The following ADAMTS18 variants were observed in gnomAD, a reference collection of about 807,000 sequenced individuals.
ADAMTS18 encodes ADAM metallopeptidase with thrombospondin type 1 motif 18.
A neutral mutation model predicts 165.9 loss-of-function variants in ADAMTS18; 157 were observed. That is an observed-to-expected ratio of 0.95 (90% CI 0.83 to 1.08). The LOEUF is 1.08. Among genes scored for constraint, ADAMTS18 ranks in the 50% least tolerant of loss-of-function variants. The pLI is 0.00. For missense variants in ADAMTS18, 2,040 were observed against 1,534.0 expected (o/e 1.33, Z -5.51); for synonymous variants, 782 against 578.2 (o/e 1.35, Z -5.06).
chr16:77,285,202 T>G (rs1393384033), intron 22 of ADAMTS18, among the ~76,000 whole-genome samples: 1 of 152,152 alleles, frequency 6.6e-6, no homozygotes, highest in Non-Finnish European at 1.5e-5. Context: ...GATGGAATTT[T>G]GCTCTTGTTG....
intron 12 of ADAMTS18, among the ~76,000 whole-genome samples, chr16:77,335,075 GA>G (rs1036512005): frequency 6.8e-6 from 1 of 146,060 alleles, no homozygotes; most frequent in Non-Finnish European, 1.5e-5. Flanking sequence ...AGTATTATTT[GA>G]ATTAATGGTA....
rs570346388 is a variant in ADAMTS18, at chr16:77,382,613, T to G, written c.496-14890A>C. Among the ~76,000 whole-genome samples the G allele has an allele frequency of 1.4e-4, 22 of 152,344 alleles. No homozygotes were observed. In the South Asian group the frequency reaches 4.6e-3, roughly 32 times the overall value. On this transcript the variant is annotated intron_variant, in intron 3 of 22. Coordinates refer to ENST00000282849, the MANE Select transcript of ADAMTS18 (RefSeq NM_199355.4). Reference sequence around the variant, plus strand: ...CTAGGGAAGATGAAAGAAAGCTGTTTGACACCCTTGTGCCTCATAATCCTC... The same window carrying G: ...CTAGGGAAGATGAAAGAAAGCTGTTGGACACCCTTGTGCCTCATAATCCTC...
intron 16 of ADAMTS18, among the ~76,000 whole-genome samples, chr16:77,302,181 C>A (rs2055596960): frequency 6.6e-6 from 1 of 152,038 alleles, no homozygotes; most frequent in Admixed American, 6.6e-5. Context: ...TTAATGTTTT[C>A]ATCTGATATT....
chr16:77,360,085 T>G, intron 7 of ADAMTS18, among the ~76,000 whole-genome samples: 1 of 152,200 alleles, frequency 6.6e-6, no homozygotes, highest in East Asian at 1.9e-4. Flanking sequence ...TTTTGGGTCC[T>G]AATAATCAGT....
intron 3 of ADAMTS18, among the ~76,000 whole-genome samples, chr16:77,368,411 G>A (rs148377849): frequency 4.6e-5 from 7 of 151,422 alleles, no homozygotes; most frequent in Admixed American, 1.3e-4. Context: ...ATTCTCAAGT[G>A]GTTCACACTT....
intron 10 of ADAMTS18, among the ~76,000 whole-genome samples, chr16:77,350,958 A>G (rs546994704): frequency 6.6e-6 from 1 of 152,322 alleles, no homozygotes; most frequent in South Asian, 2.1e-4. Flanking sequence ...AGTGAGGGGA[A>G]AAGATTAGAA....
At chr16:77,368,815 T>C (rs2056836623) in intron 3 of ADAMTS18, among the ~76,000 whole-genome samples, 1 of 152,156 alleles carries the variant, frequency 6.6e-6, no homozygotes, top group African/African-American at 2.4e-5. Flanking sequence ...CTAGAGAATC[T>C]GATGAGTGGT....
intron 16 of ADAMTS18, among the ~76,000 whole-genome samples, chr16:77,302,285 T>A (rs910813986): frequency 1.3e-5 from 2 of 152,224 alleles, no homozygotes; most frequent in African/African-American, 4.8e-5. Context: ...TGCTGGTTAA[T>A]AATTCAATTT....
intron 11 of ADAMTS18, among the ~76,000 whole-genome samples, chr16:77,338,066 G>T (rs1454380047): frequency 1.3e-5 from 2 of 151,956 alleles, no homozygotes; most frequent in African/African-American, 4.8e-5. Context: ...ACTACACCCA[G>T]CTAATTTTTG....
In ADAMTS18 at chr16:77,321,070, A is replaced by G. The variant is rs751932869; in HGVS notation, c.2287+9T>C. ...CTCATTAACAATAACAAACAGCAGC[A>G]TCTCTCACCATTTGCTTTATGCTGG... On this transcript the variant is annotated intron_variant, in intron 15 of 22. Coordinates refer to ENST00000282849, the MANE Select transcript of ADAMTS18 (RefSeq NM_199355.4). The G allele has an allele frequency of 6.2e-7, 1 of 1,614,176 alleles. No individual in the cohort carries two copies. Among genetic ancestry groups the G allele is most frequent in the South Asian group, 1.1e-5 (1 of 91,086 alleles).
At position 77,434,682 on chromosome 16, in the gene ADAMTS18, A is replaced by G; in HGVS notation, c.14T>C (p.Leu5Pro). The G allele has an allele frequency of 6.8e-7, 1 of 1,476,834 alleles. No individual in the cohort carries two copies. Among genetic ancestry groups the G allele is most frequent in the South Asian group, 1.3e-5 (1 of 78,350 alleles). 91.5% of individuals were successfully genotyped at this position (1,476,834 alleles called of 1,614,324 possible). A position where few individuals can be genotyped will look rare whatever the true frequency, so the allele number is the denominator to read the frequency against. Reference protein sequence around the residue: MECALLLACAFPAAG... With the variant: MECAPLLACAFPAAG... The stretch of plus-strand genomic sequence containing the variant: ...AGCCGGGAAGGCACACGCGAGCAGG[A>G]GGGCGCACTCCATGGTCAGGTGCGG... The change falls in exon 1 of 23, where the codon CTC (leucine) becomes CCC (proline). Residue 5 changes from leucine (L) to proline (P), a missense_variant. By Grantham distance (98) the Leu-to-Pro change is moderately conservative. Coordinates refer to ENST00000282849, the MANE Select transcript of ADAMTS18 (RefSeq NM_199355.4).
intron 3 of ADAMTS18, among the ~76,000 whole-genome samples, chr16:77,410,047 C>T (rs2057441399): frequency 6.6e-6 from 1 of 151,966 alleles, no homozygotes; most frequent in Non-Finnish European, 1.5e-5. Context: ...ATAATAGTGT[C>T]TCAAACTATT....
At chr16:77,376,879 A>G (rs2056961921) in intron 3 of ADAMTS18, among the ~76,000 whole-genome samples, 1 of 132,460 alleles carries the variant, frequency 7.5e-6, no homozygotes, top group Non-Finnish European at 1.5e-5. Context: ...CAGTGGGGTG[A>G]TCTCAGCTCA....
chr16:77,346,421 T>G (rs1377397101), intron 10 of ADAMTS18, among the ~76,000 whole-genome samples: 1 of 152,104 alleles, frequency 6.6e-6, no homozygotes, highest in African/African-American at 2.4e-5. Context: ...TTTAAAATAG[T>G]CTTCATTTGT....
chr16:77,363,551 AGT>A lies in ADAMTS18; in HGVS notation c.1056+249_1056+250del, dbSNP rs528503566. Among the ~76,000 whole-genome samples the A allele has an allele frequency of 7.6e-4, 115 of 150,772 alleles. 1 individual carries two copies. The South Asian group carries it at 0.019, about 25-fold the overall frequency. ...TATATTATCTATTTGTATATTATTT[AGT>A]ACTTATGTACCATTATTTATGTATA... On this transcript the variant is annotated intron_variant, in intron 6 of 22. Transcript: ENST00000282849.
intron 3 of ADAMTS18, among the ~76,000 whole-genome samples, chr16:77,394,064 T>A (rs567577175): frequency 1.3e-4 from 20 of 152,350 alleles, no homozygotes; most frequent in African/African-American, 4.8e-4. Flanking sequence ...TATTTGTTTT[T>A]CAAGACCATC....
chr16:77,319,751 C>G, intron 16 of ADAMTS18, 98 bp downstream of exon 16: 1 of 1,593,736 alleles, frequency 6.3e-7, no homozygotes, highest in Non-Finnish European at 8.6e-7. Flanking sequence ...CCAGGAAACA[C>G]CTTTGAACTA....
chr16:77,346,806 A>T (rs1246202766), intron 10 of ADAMTS18, among the ~76,000 whole-genome samples: 1 of 152,216 alleles, frequency 6.6e-6, no homozygotes, highest in Non-Finnish European at 1.5e-5. Context: ...CCATTTTAAA[A>T]ATCAACTTTA....
At chr16:77,300,833 A>G (rs1359836051) in intron 16 of ADAMTS18, among the ~76,000 whole-genome samples, 1 of 152,204 alleles carries the variant, frequency 6.6e-6, no homozygotes, top group African/African-American at 2.4e-5. Flanking sequence ...CTACATATAT[A>G]TATTTTTATG....
Sources: gnomAD v4.1 joint callset for allele counts (sites outside exome capture counted in the v4.1 genomes callset) on GRCh38, gnomAD v4.1.1 for gene constraint, MANE v1.5 for transcripts, NCBI Gene and HGNC (gene_info 2026-07-23, HGNC 2026-07-21) for gene names.